NAPG: variants seen among roughly 807,000 people sequenced by gnomAD.
NAPG encodes NSF attachment protein gamma.
A neutral mutation model predicts 48.4 loss-of-function variants in NAPG; 25 were observed. The observed-to-expected ratio is 0.52, with a 90% CI of 0.38 to 0.72. NAPG has a LOEUF of 0.72. Among genes scored for constraint, NAPG ranks in the 30% least tolerant of loss-of-function variants. The pLI, the probability that NAPG is intolerant of heterozygous loss-of-function variation, is 0.00. For missense variants in NAPG, 359 were observed against 372.5 expected (o/e 0.96, Z 0.30); for synonymous variants, 139 against 127.2 (o/e 1.09, Z -0.62).
intron 8 of NAPG, among the ~76,000 whole-genome samples, chr18:10,541,083 A>G (rs2032147216): frequency 6.6e-6 from 1 of 152,246 alleles, no homozygotes; most frequent in Non-Finnish European, 1.5e-5. Flanking sequence ...AAGGAATCAA[A>G]ATAGAAATGA....
chr18:10,537,755 T>G (rs75782335), intron 5 of NAPG, among the ~76,000 whole-genome samples: 5,817 of 152,340 alleles, frequency 0.038, 133 homozygotes, highest in Non-Finnish European at 0.054. Context: ...AAAGTATTGT[T>G]TTTATTTTTT....
At chr18:10,540,121 T>C (rs1175390771) in intron 7 of NAPG, 67 bp downstream of exon 7, 4 of 1,339,732 alleles carry the variant, frequency 3.0e-6, no homozygotes, top group Non-Finnish European at 4.1e-6. Flanking sequence ...TATAGGAAAA[T>C]AGAGAAGTGC....
At chr18:10,533,243 T>C (rs2031966843) in intron 3 of NAPG, 4 of 318,610 alleles carry the variant, frequency 1.3e-5, no homozygotes, top group Non-Finnish European at 2.3e-5. Context: ...AAAATGTTTC[T>C]CTTATTTGCA....
intron 1 of NAPG, among the ~76,000 whole-genome samples, chr18:10,528,233 G>A (rs1239692677): frequency 2.0e-5 from 3 of 152,172 alleles, no homozygotes; most frequent in African/African-American, 2.4e-5. Context: ...TGTGGCAGCA[G>A]TGTGGAGAAT....
At position 10,546,407 on chromosome 18, in the gene NAPG, ATTC is replaced by A. The variant is rs780650000; in HGVS notation, c.585+6_585+8del. The A allele has an allele frequency of 6.9e-5, 104 of 1,500,914 alleles. No individual in the cohort carries two copies. In the South Asian group the frequency reaches 1.2e-3, roughly 17 times the overall value. The allele number at this position is 1,500,914 out of a possible 1,614,324, so 93.0% of individuals were successfully genotyped here. A position where few individuals can be genotyped will look rare whatever the true frequency, so the allele number is the denominator to read the frequency against. On this transcript the variant is annotated splice_donor_5th_base_variant and intron_variant, in intron 9 of 11. Transcript: ENST00000322897. The surrounding 1 kb of genome is among the most constrained non-coding windows in gnomAD (Gnocchi z 4.0). ...AGAATTATCCAACTTGTTATAAGGT[ATTC>A]TTTGAAAGTGTTTGTTTTTGGTATT...
In NAPG at chr18:10,530,792, T is replaced by A. The variant is rs746150592; in HGVS notation, c.79T>A (p.Trp27Arg). ...EKYLKTGFLKWKPDYDSAASE... is the reference protein window; with the variant it reads ...EKYLKTGFLKRKPDYDSAASE... ...TAGCCTGAAAACTGGTTTTTTAAAA[T>A]GGAAGCCAGATTATGACAGTGCCGC... Residue 27 changes from tryptophan (W) to arginine (R), a missense_variant, in exon 2 of 12, where the codon TGG becomes AGG. Trp to Arg is a moderately radical substitution (Grantham distance 101). Coordinates refer to ENST00000322897, the MANE Select transcript of NAPG (RefSeq NM_003826.3). 2.5e-6 allele frequency: 4 copies of A among 1,583,580 alleles called. No homozygotes were observed. Among genetic ancestry groups the A allele is most frequent in the Non-Finnish European group, 3.4e-6 (4 of 1,165,342 alleles).
At position 10,543,052 on chromosome 18, in the gene NAPG, C is replaced by T. The variant is rs754894117; in HGVS notation, c.506+2653C>T. ...TACAAAAAGTAGCCGGGTGTGATGA[C>T]GCACACCTATAATCCCAGCTACTCG... On this transcript the variant is annotated intron_variant, in intron 8 of 11. Coordinates refer to ENST00000322897, the MANE Select transcript of NAPG (RefSeq NM_003826.3). The surrounding 1 kb of genome is among the most constrained non-coding windows in gnomAD (Gnocchi z 4.4). 9.9e-5 allele frequency among the ~76,000 whole-genome samples: 15 copies of T among 151,348 alleles called. No homozygotes were observed. Among genetic ancestry groups the T allele is most frequent in the South Asian group, 2.1e-4 (1 of 4,772 alleles).
chr18:10,541,796 T>TG (rs1567892138), intron 8 of NAPG, among the ~76,000 whole-genome samples: 1 of 152,240 alleles, frequency 6.6e-6, no homozygotes, highest in Non-Finnish European at 1.5e-5. Context: ...CAGCCCTGTG[T>TG]GAAAGTCCAG....
At position 10,551,005 on chromosome 18, in the gene NAPG, T is replaced by G. The variant is rs1000549051; in HGVS notation, c.*785T>G. The stretch of plus-strand genomic sequence containing the variant: ...GTTTGTTTGTTTGTTTTGTTTTTTG[T>G]TTTTTTTTTTAAGGGTCTCACTCTT... On this transcript the variant is annotated 3_prime_UTR_variant, in exon 12 of 12. Coordinates refer to ENST00000322897, the MANE Select transcript of NAPG (RefSeq NM_003826.3). The G allele has an allele frequency of 8.3e-6, 1 of 120,200 alleles. No individual in the cohort carries two copies. The highest frequency in any genetic ancestry group is 2.1e-4 in the East Asian group (1 of 4,860). 7.4% of individuals were successfully genotyped at this position (120,200 alleles called of 1,614,324 possible).
chr18:10,535,286 T>C (rs1362817789), intron 5 of NAPG, among the ~76,000 whole-genome samples: 1 of 152,150 alleles, frequency 6.6e-6, no homozygotes, highest in Non-Finnish European at 1.5e-5. Flanking sequence ...TTGTAGACAA[T>C]AAAAAATACC....
At chr18:10,541,067 T>A (rs2032146851) in intron 8 of NAPG, among the ~76,000 whole-genome samples, 1 of 152,186 alleles carries the variant, frequency 6.6e-6, no homozygotes, top group African/African-American at 2.4e-5. Context: ...ATCCATTTAA[T>A]ATGTCAAGGA....
chr18:10,538,420 T>G (rs2032080127), intron 5 of NAPG, among the ~76,000 whole-genome samples: 1 of 152,146 alleles, frequency 6.6e-6, no homozygotes, highest in African/African-American at 2.4e-5. Context: ...ATAAAACAAT[T>G]TTCATGAAAG....
Position 10,544,323 on chromosome 18 carries a change from G to A in NAPG, c.507-2003G>A, listed in dbSNP as rs1383269083. ...GTGTAGCTAGGTCCTAGTGTAGCTAGGTAGCAGAGCTAGGGTCTCACCAGG... is the reference window on the plus strand; with the variant it reads ...GTGTAGCTAGGTCCTAGTGTAGCTAAGTAGCAGAGCTAGGGTCTCACCAGG... On this transcript the variant is annotated intron_variant, in intron 8 of 11. Transcript: ENST00000322897. This position sits in a 1 kb window ranked among gnomAD's most constrained non-coding sequence, Gnocchi z 5.1. 1.3e-5 allele frequency among the ~76,000 whole-genome samples: 2 copies of A among 152,246 alleles called. No homozygotes were observed. Among genetic ancestry groups the A allele is most frequent in the Non-Finnish European group, 2.9e-5 (2 of 68,044 alleles).
At chr18:10,529,159 A>G (rs1169219324) in intron 1 of NAPG, among the ~76,000 whole-genome samples, 1 of 152,198 alleles carries the variant, frequency 6.6e-6, no homozygotes, top group Non-Finnish European at 1.5e-5. Context: ...CGTGTATAGC[A>G]CATTAGGTGA....
chr18:10,545,614 G>A (rs1358903893), intron 8 of NAPG, among the ~76,000 whole-genome samples: 2 of 152,200 alleles, frequency 1.3e-5, no homozygotes, highest in Non-Finnish European at 2.9e-5. Context: ...GCAGGGAGGG[G>A]AGGTTCAATT....
intron 8 of NAPG, among the ~76,000 whole-genome samples, chr18:10,545,863 C>T (rs1159545581): frequency 2.0e-5 from 3 of 152,212 alleles, no homozygotes; most frequent in Non-Finnish European, 4.4e-5. Context: ...TTTTAGGCAC[C>T]TCAGAGCTTG....
rs186787170 is a variant in NAPG at position 10,550,848 on chromosome 18, C to G, written c.*628C>G. ...TTTGAAGGTAGCATATTGAAGTGAT[C>G]TATAAATATCTTCAGTCCTCTCTGA... On this transcript the variant is annotated 3_prime_UTR_variant, in exon 12 of 12. Transcript: ENST00000322897. The G allele has an allele frequency of 2.0e-4, 30 of 152,232 alleles. No individual in the cohort carries two copies. The highest frequency in any genetic ancestry group is 7.2e-4 in the African/African-American group (30 of 41,546). The allele number at this position is 152,232 out of a possible 1,614,324, so 9.4% of individuals were successfully genotyped here.
Position 10,543,146 on chromosome 18 carries a change from AAAAAG to A in NAPG, c.506+2762_506+2766del, listed in dbSNP as rs938148619. Among the ~76,000 whole-genome samples the A allele has an allele frequency of 4.5e-3, 659 of 146,892 alleles. 26 individuals carry two copies. The East Asian group carries it at 0.11, about 25-fold the overall frequency. On this transcript the variant is annotated intron_variant, in intron 8 of 11. Coordinates refer to ENST00000322897, the MANE Select transcript of NAPG (RefSeq NM_003826.3). The surrounding 1 kb of genome is among the most constrained non-coding windows in gnomAD (Gnocchi z 4.4). ...TGAGACTCCCATCTCAAAAAAAAAAAAAAAGAAAAGAAAAGAAAAAAAGACCTTTC... is the reference window on the plus strand; with the variant it reads ...TGAGACTCCCATCTCAAAAAAAAAAAAAAAGAAAAGAAAAAAAGACCTTTC...
At position 10,539,768 on chromosome 18, in the gene NAPG, C is replaced by A. The variant is rs538664915; in HGVS notation, c.265C>A (p.Gln89Lys). 1 of 1,613,880 alleles carries A rather than the reference C, an allele frequency of 6.2e-7. No individual in the cohort carries two copies. Among genetic ancestry groups the A allele is most frequent in the South Asian group, 1.1e-5 (1 of 91,070 alleles). ...CTGTATCCTTTGCCCAAAGGAGATG[C>A]AGAAACTACCAGAGGCCGTTCAGCT... ...EQAGMMLKEM[Q>K]KLPEAVQLIE... The change falls in exon 6 of 12, where the codon CAG becomes AAG. Residue 89 changes from glutamine to lysine, a missense_variant. Coordinates refer to ENST00000322897, the MANE Select transcript of NAPG (RefSeq NM_003826.3). This position sits in a 1 kb window ranked among gnomAD's most constrained non-coding sequence, Gnocchi z 4.7.
Sources: allele counts gnomAD v4.1 joint callset (sites outside exome capture counted in the v4.1 genomes callset), GRCh38; gene constraint gnomAD v4.1.1; non-coding constraint Gnocchi (gnomAD v3.1); transcripts MANE v1.5; gene names NCBI Gene and HGNC (gene_info 2026-07-23, HGNC 2026-07-21).